Variants in ASB14 observed in about 807,000 individuals in gnomAD.
ASB14 encodes the protein ankyrin repeat and SOCS box protein 14.
ASB14 carries 63 observed loss-of-function variants against 55.6 expected under a neutral mutation model. That is an observed-to-expected ratio of 1.13 (90% CI 0.92 to 1.40). The LOEUF (loss-of-function observed/expected upper bound fraction) is 1.40, where lower values mean the gene tolerates loss of function less well. Ranked by LOEUF, ASB14 falls within the 40% of genes most tolerant of loss-of-function variation. The probability of loss-of-function intolerance (pLI) is 0.00; values close to 1 mark genes in which losing one functional copy is unlikely to be tolerated. For synonymous variants in ASB14, 256 were observed against 259.9 expected, an observed-to-expected ratio of 0.98 and a Z score of 0.15; for missense variants, 724 against 710.4, an observed-to-expected ratio of 1.02 and a Z score of -0.22.
intron 2 of ASB14, among the ~76,000 whole-genome samples, chr3:57,290,137 A>G (rs2061117155): frequency 6.6e-6 from 1 of 152,248 alleles, no homozygotes; most frequent in Non-Finnish European, 1.5e-5. Flanking sequence ...TAAAACAACA[A>G]TAATAAAACA....
rs761890339 is a variant in ASB14, at chr3:57,280,492, T to G, written c.716-19A>C. The G allele has an allele frequency of 2.6e-6, 4 of 1,531,860 alleles. No individual in the cohort carries two copies. Among genetic ancestry groups the G allele is most frequent in the Admixed American group, 4.1e-5 (2 of 49,168 alleles). 94.9% of individuals were successfully genotyped at this position (1,531,860 alleles called of 1,614,324 possible). On this transcript the variant is annotated intron_variant, in intron 6 of 10. Coordinates refer to ENST00000487349, the MANE Select transcript of ASB14 (RefSeq NM_001142733.3). ...TTAGCTCCTAAGAGGAGAAAGACTC[T>G]TGTTAATGCAAAAATTATTTTCCAC...
At chr3:57,280,211 G>T in intron 7 of ASB14, 91 bp downstream of exon 7, 8 of 641,912 alleles carry the variant, frequency 1.2e-5, no homozygotes, top group Non-Finnish European at 1.9e-5. Context: ...TGGGATCAGT[G>T]ATTAAAGATT....
rs1355237706 is a variant in ASB14 at position 57,288,070 on chromosome 3, TTCA to T, written c.311-14_311-12del. The T allele has an allele frequency of 3.8e-5, 58 of 1,536,714 alleles. No individual in the cohort carries two copies. Among genetic ancestry groups the T allele is most frequent in the Non-Finnish European group, 4.8e-5 (55 of 1,146,586 alleles). ...GACTGGGGTCTGAAGCTGAAATAAA[TTCA>T]TCATACCACACAAATTAAGATATAG... On this transcript the variant is annotated splice_polypyrimidine_tract_variant and intron_variant, in intron 4 of 10. Transcript: ENST00000487349.
intron 7 of ASB14, among the ~76,000 whole-genome samples, chr3:57,280,052 TCCCCTAG>T (rs2061026136): frequency 6.8e-6 from 1 of 146,910 alleles, no homozygotes. Context: ...AGCAGCCTGG[TCCCCTAG>T]CCCACTCTTT....
intron 10 of ASB14, chr3:57,272,831 C>T (rs945872772): frequency 6.6e-6 from 1 of 152,180 alleles, no homozygotes; most frequent in African/African-American, 2.4e-5. Context: ...GATCTCCTGA[C>T]CTCATGATCC....
chr3:57,280,231 C>A, intron 7 of ASB14, 71 bp downstream of exon 7: 3 of 928,578 alleles, frequency 3.2e-6, no homozygotes, highest in Non-Finnish European at 4.5e-6. Flanking sequence ...TATAAAGTTC[C>A]TAGAAGCAGC....
chr3:57,273,656 A>C (rs1399343427), intron 10 of ASB14, among the ~76,000 whole-genome samples: 1 of 152,174 alleles, frequency 6.6e-6, no homozygotes, highest in Non-Finnish European at 1.5e-5. Context: ...CTAATCGATC[A>C]CTGGTGACTG....
At chr3:57,269,681 A>G (rs990764722) in intron 10 of ASB14, 63 bp from the exon 11 acceptor site, 1 of 1,613,982 alleles carries the variant, frequency 6.2e-7, no homozygotes, top group African/African-American at 1.3e-5. Flanking sequence ...GAGAATCAGA[A>G]GCATAAGCTT....
Position 57,289,097 on chromosome 3 carries a change from T to C in ASB14, c.149A>G (p.Tyr50Cys), listed in dbSNP as rs914373845. The C allele has an allele frequency of 1.2e-5, 19 of 1,530,194 alleles. No individual in the cohort carries two copies. Among genetic ancestry groups the C allele is most frequent in the African/African-American group, 8.2e-5 (6 of 72,874 alleles). The allele number at this position is 1,530,194 out of a possible 1,614,324, so 94.8% of individuals were successfully genotyped here. A position where few individuals can be genotyped will look rare whatever the true frequency, so the allele number is the denominator to read the frequency against. ...CTCTATTGTTTCAACTATCTTCTTA[T>C]AGTCAGCGCTCAAAAAGGAATGCAA... is the stretch of plus-strand genomic sequence containing the variant. ...ESLHSFLSAD[Y>C]KKIVETIEKG... is the part of the protein sequence containing the mutation. Residue 50 changes from tyrosine to cysteine, a missense_variant, in exon 3 of 11, where the codon TAT (tyrosine) becomes TGT (cysteine). Physicochemically the swap from Tyr to Cys is radical, Grantham distance 194. Transcript: ENST00000487349.
chr3:57,278,284 C>A, intron 8 of ASB14, 93 bp downstream of exon 8: 1 of 973,704 alleles, frequency 1.0e-6, no homozygotes, highest in African/African-American at 1.6e-5. Context: ...TCAACCAAGC[C>A]TCTGGAGAGA....
chr3:57,288,810 G>A (rs1315666727), intron 3 of ASB14, among the ~76,000 whole-genome samples: 3 of 144,538 alleles, frequency 2.1e-5, no homozygotes, highest in Non-Finnish European at 3.0e-5. Context: ...CATCTCCTGG[G>A]TTCAAGCAAT....
intron 6 of ASB14, among the ~76,000 whole-genome samples, chr3:57,281,106 C>T (rs2061037542): frequency 1.3e-5 from 2 of 152,222 alleles, no homozygotes; most frequent in South Asian, 4.1e-4. Flanking sequence ...TTGCATTATA[C>T]TTACAAGTCC....
In ASB14 at chr3:57,278,405, C is replaced by G; in HGVS notation, c.1403G>C (p.Trp468Ser). Residue 468 changes from tryptophan (W) to serine (S), a missense_variant, in exon 8 of 11, where the codon TGG becomes TCG. Coordinates refer to ENST00000487349, the MANE Select transcript of ASB14 (RefSeq NM_001142733.3). Reference protein sequence around the residue: ...KVHPSYTVEGWTSTVIKDTKF... With the variant: ...KVHPSYTVEGSTSTVIKDTKF... Reference sequence around the variant, plus strand: ...AGTATCTTTGATAACTGTAGATGTCCAGCCTTCAACAGTATAGGAAGGATG... The same window carrying G: ...AGTATCTTTGATAACTGTAGATGTCGAGCCTTCAACAGTATAGGAAGGATG... The G allele has an allele frequency of 6.2e-7, 1 of 1,613,906 alleles. No individual in the cohort carries two copies.
intron 2 of ASB14, among the ~76,000 whole-genome samples, chr3:57,290,965 T>A (rs1194594162): frequency 6.6e-6 from 1 of 152,232 alleles, no homozygotes; most frequent in Non-Finnish European, 1.5e-5. Context: ...GCCTTGCTCT[T>A]CACTTACTAG....
At chr3:57,289,436 C>G (rs1440167374) in intron 2 of ASB14, among the ~76,000 whole-genome samples, 1 of 152,066 alleles carries the variant, frequency 6.6e-6, no homozygotes, top group Non-Finnish European at 1.5e-5. Context: ...TCAAGCCTGC[C>G]TATGACTGAA....
At chr3:57,291,606 G>A (rs1266279447) in intron 2 of ASB14, among the ~76,000 whole-genome samples, 1 of 152,126 alleles carries the variant, frequency 6.6e-6, no homozygotes, top group Non-Finnish European at 1.5e-5. Flanking sequence ...AATTCCCAAA[G>A]ACAAGATGTA....
chr3:57,269,457 G>C lies in ASB14; in HGVS notation c.*184C>G. On this transcript the variant is annotated 3_prime_UTR_variant, in exon 11 of 11. Coordinates refer to ENST00000487349, the MANE Select transcript of ASB14 (RefSeq NM_001142733.3). Reference sequence around the variant, plus strand: ...ATACATATTTATGACAGAAGAAGTGGCTCTCAAGAATGTATCTTAACTGCA... The same window carrying C: ...ATACATATTTATGACAGAAGAAGTGCCTCTCAAGAATGTATCTTAACTGCA... 1.5e-6 allele frequency: 2 copies of C among 1,294,782 alleles called. No individual in the cohort carries two copies. The highest frequency in any genetic ancestry group is 2.1e-6 in the Non-Finnish European group (2 of 939,840). The allele number at this position is 1,294,782 out of a possible 1,614,324, so 80.2% of individuals were successfully genotyped here.
chr3:57,291,949 T>A lies in ASB14; in HGVS notation c.85A>T (p.Lys29Ter). Residue 29 changes from lysine to a stop codon, truncating the protein, a stop_gained, in exon 2 of 11, where the codon AAG becomes TAG. Coordinates refer to ENST00000487349, the MANE Select transcript of ASB14 (RefSeq NM_001142733.3). LOFTEE classifies it high-confidence loss of function. ...GGTGCATGTTGTGCTGTTCCTGGCT[T>A]ATAAATATCCTGCAAACTCTGTTGA... is the stretch of plus-strand genomic sequence containing the variant. ...IIQQSLQDIY[K>*]PGTAQHAPKD... 6.5e-7 allele frequency: 1 copy of A among 1,536,774 alleles called. No individual in the cohort carries two copies. The highest frequency in any genetic ancestry group is 8.7e-7 in the Non-Finnish European group (1 of 1,146,258).
intron 5 of ASB14, 58 bp downstream of exon 5, chr3:57,287,843 G>A: frequency 2.7e-6 from 4 of 1,499,320 alleles, no homozygotes; most frequent in South Asian, 1.2e-5. Flanking sequence ...TTTGAAACCT[G>A]GGGGCATGAA....
Sources: allele counts gnomAD v4.1 joint callset (sites outside exome capture counted in the v4.1 genomes callset), GRCh38; gene constraint gnomAD v4.1.1; transcripts MANE v1.5; gene names NCBI Gene and HGNC (gene_info 2026-07-23, HGNC 2026-07-21).